CFAP77: variants seen among roughly 807,000 people sequenced by gnomAD.
CFAP77 encodes cilia and flagella associated protein 77.
CFAP77 carries 25 observed loss-of-function variants against 31.1 expected under a neutral mutation model. That is an observed-to-expected ratio of 0.80 (90% CI 0.59 to 1.12). The LOEUF (loss-of-function observed/expected upper bound fraction) is 1.12. Ranked by LOEUF, CFAP77 falls within the 50% of genes most tolerant of loss-of-function variation. The probability of loss-of-function intolerance (pLI) is 0.00; values close to 1 mark genes in which losing one functional copy is unlikely to be tolerated. For synonymous variants in CFAP77, 151 were observed against 159.9 expected, an observed-to-expected ratio of 0.94 and a Z score of 0.42; for missense variants, 377 against 397.3, an observed-to-expected ratio of 0.95 and a Z score of 0.44.
chr9:132,560,908 G>A (rs1325277104), intron 5 of CFAP77, among the ~76,000 whole-genome samples: 1 of 152,182 alleles, frequency 6.6e-6, no homozygotes, highest in Non-Finnish European at 1.5e-5. Flanking sequence ...GCTGTTCTTT[G>A]AAATCGCAGC....
At chr9:132,556,060 T>C (rs972517409) in intron 5 of CFAP77, among the ~76,000 whole-genome samples, 2 of 152,088 alleles carry the variant, frequency 1.3e-5, no homozygotes, top group African/African-American at 4.8e-5. Flanking sequence ...GAGTTTAAGT[T>C]AATATTGATA....
intron 5 of CFAP77, among the ~76,000 whole-genome samples, chr9:132,569,061 T>C (rs72767843): frequency 0.063 from 9,665 of 152,260 alleles, 423 homozygotes; most frequent in Non-Finnish European, 0.096. Context: ...CCCAAACTCA[T>C]CAAATTTTAC....
chr9:132,526,216 GT>G (rs143050935), intron 3 of CFAP77, among the ~76,000 whole-genome samples: 3 of 148,782 alleles, frequency 2.0e-5, no homozygotes, highest in East Asian at 2.0e-4. Flanking sequence ...TATGTGTTTA[GT>G]TTTTTTTTTG....
intron 1 of CFAP77, among the ~76,000 whole-genome samples, chr9:132,494,837 C>T (rs1333146061): frequency 6.6e-6 from 1 of 152,158 alleles, no homozygotes; most frequent in East Asian, 1.9e-4. Context: ...AGTTCCTATT[C>T]AAGTATTTTG....
Position 132,488,546 on chromosome 9 carries a change from C to A in CFAP77, c.196-10149C>A, listed in dbSNP as rs545464266. On this transcript the variant is annotated intron_variant, in intron 1 of 5. Transcript: ENST00000393216. ...GACTTGAGTTGCAAGGCGGGTCACT[C>A]GTTTTGAAGAAGTTGTGCCATGTAA... Among the ~76,000 whole-genome samples, 40 of 152,282 alleles carry A rather than the reference C, an allele frequency of 2.6e-4. No individual in the cohort carries two copies. The East Asian group carries it at 2.7e-3, about 10-fold the overall frequency.
At position 132,552,418 on chromosome 9, in the gene CFAP77, G is replaced by C. The variant is rs1852837028; in HGVS notation, c.732+9371G>C. On this transcript the variant is annotated intron_variant, in intron 5 of 5. Transcript: ENST00000393216. The surrounding 1 kb of genome is among the most constrained non-coding windows in gnomAD (Gnocchi z 5.5). ...TTTAAAATGCAGAGTCGAAGGCCCA[G>C]TGCGGTGGCTCATGCCTGTAATCTC... is the stretch of plus-strand genomic sequence containing the variant. Among the ~76,000 whole-genome samples, 4 of 152,360 alleles carry C rather than the reference G, an allele frequency of 2.6e-5. No homozygotes were observed. The South Asian group carries it at 8.3e-4, about 32-fold the overall frequency.
chr9:132,488,912 A>G (rs1194026811), intron 1 of CFAP77, among the ~76,000 whole-genome samples: 1 of 152,184 alleles, frequency 6.6e-6, no homozygotes, highest in Non-Finnish European at 1.5e-5. Context: ...GAGAGGGATG[A>G]CATCTTAATG....
chr9:132,553,133 C>T (rs537976328), intron 5 of CFAP77, among the ~76,000 whole-genome samples: 4 of 152,310 alleles, frequency 2.6e-5, no homozygotes, highest in East Asian at 3.9e-4. Flanking sequence ...GGCACCTTCT[C>T]ACCGAGTCCT....
chr9:132,482,267 AAACTG>A, intron 1 of CFAP77: 1 of 1,464,442 alleles, frequency 6.8e-7, no homozygotes. Flanking sequence ...CTTGACAGCT[AAACTG>A]ACCAAATGAT....
intron 1 of CFAP77, chr9:132,421,500 C>T (rs891683666): frequency 2.0e-5 from 3 of 152,212 alleles, no homozygotes; most frequent in African/African-American, 7.2e-5. Context: ...AGCTTAACTT[C>T]ACTAGTTTCA....
chr9:132,496,887 G>T (rs550502509), intron 1 of CFAP77, among the ~76,000 whole-genome samples: 4 of 152,326 alleles, frequency 2.6e-5, no homozygotes, highest in South Asian at 2.1e-4. Context: ...AGGCAGGGGG[G>T]TCTGCATGTG....
At chr9:132,428,813 C>A (rs894299672) in intron 1 of CFAP77, among the ~76,000 whole-genome samples, 1 of 76,940 alleles carries the variant, frequency 1.3e-5, no homozygotes, top group Admixed American at 1.1e-4. Flanking sequence ...ACTTTGAAGA[C>A]CCCCCCCTGC....
chr9:132,438,541 A>ATATATATATATATATATATAT, intron 1 of CFAP77, among the ~76,000 whole-genome samples: 1 of 108,152 alleles, frequency 9.2e-6, no homozygotes, highest in Non-Finnish European at 1.8e-5. Context: ...ATATATATAT[A>ATATATATATATATATATATAT]TTTTTTTTTT....
rs1196007213 is a variant in CFAP77 at position 132,482,793 on chromosome 9, G to A, written c.196-15902G>A. On this transcript the variant is annotated intron_variant, in intron 1 of 5. Transcript: ENST00000393216. ...CAGGAAGGGGAACATCACACTCTGG[G>A]GACTGTTGTGGGGTGGGGGGAGGGG... 1.3e-4 allele frequency among the ~76,000 whole-genome samples: 15 copies of A among 118,540 alleles called. No homozygotes were observed. In the South Asian group the frequency reaches 3.6e-3, roughly 29 times the overall value. 77.8% of individuals were successfully genotyped at this position (118,540 alleles called of 152,430 possible). A position where few individuals can be genotyped will look rare whatever the true frequency, so the allele number is the denominator to read the frequency against.
intron 3 of CFAP77, among the ~76,000 whole-genome samples, chr9:132,533,344 G>A (rs1022047903): frequency 2.6e-5 from 4 of 152,140 alleles, no homozygotes; most frequent in Non-Finnish European, 4.4e-5. Flanking sequence ...GTGTCCTGTG[G>A]CCAGTATCAC....
At chr9:132,557,019 G>A (rs1852916409) in intron 5 of CFAP77, among the ~76,000 whole-genome samples, 1 of 152,208 alleles carries the variant, frequency 6.6e-6, no homozygotes, top group African/African-American at 2.4e-5. Context: ...TTGTTTGACA[G>A]CTGCTCGGCT....
At chr9:132,464,423 C>G (rs1161347903) in intron 1 of CFAP77, among the ~76,000 whole-genome samples, 1 of 152,012 alleles carries the variant, frequency 6.6e-6, no homozygotes, top group Non-Finnish European at 1.5e-5. Flanking sequence ...GCAGGCCACA[C>G]AACTGTGGAA....
chr9:132,494,692 A>G (rs908922354), intron 1 of CFAP77, among the ~76,000 whole-genome samples: 2 of 152,220 alleles, frequency 1.3e-5, no homozygotes, highest in South Asian at 4.1e-4. Context: ...AGCAGTTTAC[A>G]CTTTCACCAA....
Position 132,498,458 on chromosome 9 carries a change from T to A in CFAP77, c.196-237T>A, listed in dbSNP as rs1368540801. 6.6e-6 allele frequency among the ~76,000 whole-genome samples: 1 copy of A among 152,062 alleles called. No homozygotes were observed. Among genetic ancestry groups the A allele is most frequent in the African/African-American group, 2.4e-5 (1 of 41,398 alleles). On this transcript the variant is annotated intron_variant, in intron 1 of 5. Coordinates refer to ENST00000393216, the MANE Select transcript of CFAP77 (RefSeq NM_001282957.2). This position sits in a 1 kb window ranked among gnomAD's most constrained non-coding sequence, Gnocchi z 4.2. ...GTACCGAGAGGCCCCCCGTCTCTGATGTCTTCACTTGCCTTCAGCACAGAC... is the reference window on the plus strand; with the variant it reads ...GTACCGAGAGGCCCCCCGTCTCTGAAGTCTTCACTTGCCTTCAGCACAGAC...
Sources: allele counts gnomAD v4.1 joint callset (sites outside exome capture counted in the v4.1 genomes callset), GRCh38; gene constraint gnomAD v4.1.1; non-coding constraint Gnocchi (gnomAD v3.1); transcripts MANE v1.5; gene names NCBI Gene and HGNC (gene_info 2026-07-23, HGNC 2026-07-21).